NIBAN1: variants seen among roughly 807,000 people sequenced by gnomAD.
NIBAN1 encodes the protein niban apoptosis regulator 1.
In NIBAN1, 81 loss-of-function variants were observed where a neutral mutation model predicts 75.1. The ratio of observed to expected loss-of-function variants is 1.08; its 90% CI spans 0.90 to 1.30. NIBAN1 has a LOEUF of 1.30. NIBAN1 is among the 50% of genes most tolerant of loss of function. The probability of loss-of-function intolerance (pLI) is 0.00; values close to 1 mark genes in which losing one functional copy is unlikely to be tolerated. For synonymous variants in NIBAN1, 436 were observed against 424.8 expected (o/e 1.03, Z -0.32); for missense variants, 1,133 against 1,128.1 (o/e 1.00, Z -0.06).
At chr1:184,863,736 G>C (rs542302074) in intron 5 of NIBAN1, among the ~76,000 whole-genome samples, 5 of 152,216 alleles carry the variant, frequency 3.3e-5, no homozygotes, top group African/African-American at 1.2e-4. Flanking sequence ...TACTATTCAA[G>C]CACTGGACAT....
chr1:184,921,120 C>T (rs1349953926), intron 1 of NIBAN1, among the ~76,000 whole-genome samples: 4 of 127,510 alleles, frequency 3.1e-5, no homozygotes, highest in East Asian at 2.2e-4. Flanking sequence ...CAGAGCAAGG[C>T]TCTGTCTCAA....
chr1:184,858,290 G>T (rs908776922), intron 5 of NIBAN1, among the ~76,000 whole-genome samples: 9 of 151,936 alleles, frequency 5.9e-5, no homozygotes, highest in African/African-American at 2.2e-4. Flanking sequence ...TATAAAAAGG[G>T]TTAATATCTA....
At position 184,799,735 on chromosome 1, in the gene NIBAN1, CTTTTTTTTTT is replaced by C. The variant is rs780273995; in HGVS notation, c.1555-1555_1555-1546del. ...TCCTGACTTTTTAATGATTGCCATT[CTTTTTTTTTT>C]TTTTTTTTTTTTTTTTTTGAGACGG... On this transcript the variant is annotated intron_variant, in intron 12 of 13. Transcript: ENST00000367511. Among the ~76,000 whole-genome samples, 2 of 49,780 alleles carry C rather than the reference CTTTTTTTTTT, an allele frequency of 4.0e-5. 1 individual carries two copies. The highest frequency in any genetic ancestry group is 2.1e-4 in the African/African-American group (2 of 9,576). 32.7% of individuals were successfully genotyped at this position (49,780 alleles called of 152,430 possible).
intron 1 of NIBAN1, among the ~76,000 whole-genome samples, chr1:184,905,977 C>T (rs1260363720): frequency 6.6e-6 from 1 of 152,098 alleles, no homozygotes; most frequent in Non-Finnish European, 1.5e-5. Flanking sequence ...GTGGCTCATG[C>T]CTGTAATCCC....
chr1:184,918,203 A>C (rs1048170759), intron 1 of NIBAN1, among the ~76,000 whole-genome samples: 2 of 152,194 alleles, frequency 1.3e-5, no homozygotes, highest in Non-Finnish European at 2.9e-5. Context: ...TAGGTGCCAC[A>C]GTCAGCAAAC....
chr1:184,864,797 CAGA>C lies in NIBAN1; in HGVS notation c.601+19833_601+19835del, dbSNP rs908816958. Among the ~76,000 whole-genome samples the C allele has an allele frequency of 8.6e-5, 13 of 151,198 alleles. No individual in the cohort carries two copies. The East Asian group carries it at 1.5e-3, about 18-fold the overall frequency. ...GCAAAAGACATGAATAGACAATTCT[CAGA>C]AGAAGACATACAAACGGCCAACAAA... On this transcript the variant is annotated intron_variant, in intron 5 of 13. Coordinates refer to ENST00000367511, the MANE Select transcript of NIBAN1 (RefSeq NM_052966.4).
chr1:184,842,134 G>T (rs139993892), intron 5 of NIBAN1, among the ~76,000 whole-genome samples: 82 of 152,268 alleles, frequency 5.4e-4, no homozygotes, highest in African/African-American at 1.9e-3. Flanking sequence ...AAATTTCATG[G>T]TTACAAACAA....
chr1:184,968,549 C>G (rs1658857406), intron 1 of NIBAN1, among the ~76,000 whole-genome samples: 1 of 152,304 alleles, frequency 6.6e-6, no homozygotes, highest in African/African-American at 2.4e-5. Flanking sequence ...GCTGCAATTT[C>G]TCACTTCTTA....
chr1:184,876,422 G>C (rs939976090), intron 5 of NIBAN1, among the ~76,000 whole-genome samples: 1 of 152,102 alleles, frequency 6.6e-6, no homozygotes, highest in Non-Finnish European at 1.5e-5. Flanking sequence ...CTGGGGCCGG[G>C]CATGGTGGCT....
chr1:184,974,024 C>A (rs1274019533), intron 1 of NIBAN1, among the ~76,000 whole-genome samples: 2 of 152,034 alleles, frequency 1.3e-5, no homozygotes, highest in Non-Finnish European at 2.9e-5. Context: ...GCGGGGGCGG[C>A]ACTGACCCCG....
chr1:184,800,856 T>C (rs929473373), intron 12 of NIBAN1, among the ~76,000 whole-genome samples: 1 of 152,168 alleles, frequency 6.6e-6, no homozygotes, highest in African/African-American at 2.4e-5. Context: ...GGGGCCACTT[T>C]GGGGGTTGGG....
At position 184,884,812 on chromosome 1, in the gene NIBAN1, T is replaced by C. The variant is rs372369285; in HGVS notation, c.434-12A>G. 13 of 1,612,372 alleles carry C rather than the reference T, an allele frequency of 8.1e-6. No individual in the cohort carries two copies. The highest frequency in any genetic ancestry group is 1.3e-5 in the African/African-American group (1 of 74,820). On this transcript the variant is annotated splice_polypyrimidine_tract_variant and intron_variant, in intron 4 of 13. Coordinates refer to ENST00000367511, the MANE Select transcript of NIBAN1 (RefSeq NM_052966.4). The stretch of plus-strand genomic sequence containing the variant: ...CTTCTCACTGGAGGCTAAAGAAATA[T>C]TGAAAACACAAATACCTTTTAAAAC...
At chr1:184,911,947 C>T (rs181282459) in intron 1 of NIBAN1, among the ~76,000 whole-genome samples, 57 of 152,306 alleles carry the variant, frequency 3.7e-4, no homozygotes, top group Non-Finnish European at 1.6e-4. Context: ...ACTACAGCTA[C>T]ATTTGCAACC....
intron 6 of NIBAN1, among the ~76,000 whole-genome samples, chr1:184,824,905 T>C (rs1654804290): frequency 6.6e-6 from 1 of 152,220 alleles, no homozygotes; most frequent in Admixed American, 6.5e-5. Context: ...TTCCTGGCAT[T>C]GACACACATA....
intron 5 of NIBAN1, among the ~76,000 whole-genome samples, chr1:184,832,456 CACTT>C (rs764181140): frequency 6.6e-6 from 1 of 152,182 alleles, no homozygotes; most frequent in Non-Finnish European, 1.5e-5. Context: ...TAATTGCTAA[CACTT>C]ACAAAGCAGG....
chr1:184,842,147 C>A lies in NIBAN1; in HGVS notation c.602-10185G>T, dbSNP rs374209764. Among the ~76,000 whole-genome samples the A allele has an allele frequency of 2.2e-4, 33 of 152,154 alleles. No homozygotes were observed. The East Asian group carries it at 3.3e-3, about 15-fold the overall frequency. ...TGAAATTTCATGGTTACAAACAAAC[C>A]CAGGTTGCAAATGATTCACATTGTC... On this transcript the variant is annotated intron_variant, in intron 5 of 13. Coordinates refer to ENST00000367511, the MANE Select transcript of NIBAN1 (RefSeq NM_052966.4).
intron 12 of NIBAN1, among the ~76,000 whole-genome samples, chr1:184,798,580 T>C (rs958576897): frequency 2.0e-5 from 3 of 152,192 alleles, no homozygotes; most frequent in Non-Finnish European, 4.4e-5. Flanking sequence ...TTTCCCCTCA[T>C]CACCAAGATG....
At chr1:184,919,919 G>T (rs538286935) in intron 1 of NIBAN1, among the ~76,000 whole-genome samples, 122 of 151,912 alleles carry the variant, frequency 8.0e-4, no homozygotes, top group Non-Finnish European at 1.6e-3. Flanking sequence ...TTCAGGGGCT[G>T]GGGGAGGGGG....
intron 3 of NIBAN1, 37 bp from the exon 4 acceptor site, chr1:184,890,259 T>A: frequency 6.6e-7 from 1 of 1,511,504 alleles, no homozygotes; most frequent in South Asian, 1.1e-5. Flanking sequence ...GATATCTTTT[T>A]CCCCATTTGA....
Sources: allele counts gnomAD v4.1 joint callset (sites outside exome capture counted in the v4.1 genomes callset), GRCh38; gene constraint gnomAD v4.1.1; transcripts MANE v1.5; gene names NCBI Gene and HGNC (gene_info 2026-07-23, HGNC 2026-07-21).